Variants in RBFOX1 observed in about 807,000 individuals in gnomAD.
RBFOX1 encodes RNA binding fox-1 homolog 1.
Under a neutral mutation model 57.7 loss-of-function variants are expected in RBFOX1, and 8 were observed. The ratio of observed to expected loss-of-function variants is 0.14; its 90% confidence interval spans 0.08 to 0.25. The LOEUF (loss-of-function observed/expected upper bound fraction) is 0.25. Ranked by LOEUF, RBFOX1 falls within the 10% of genes least tolerant of loss-of-function variation. The probability of loss-of-function intolerance (pLI) is 1.00; values close to 1 mark genes in which losing one functional copy is unlikely to be tolerated. For missense variants in RBFOX1, 611 were observed against 548.5 expected (o/e 1.11, Z -1.14); for synonymous variants, 326 against 222.4 (o/e 1.47, Z -4.15).
At chr16:7,340,313 A>G (rs1241554308) in intron 4 of RBFOX1, among the ~76,000 whole-genome samples, 1 of 152,210 alleles carries the variant, frequency 6.6e-6, no homozygotes, top group African/African-American at 2.4e-5. Flanking sequence ...CTGGGGAGCA[A>G]GTGGTGGGTT....
chr16:7,015,922 T>C (rs1468049645), intron 3 of RBFOX1, among the ~76,000 whole-genome samples: 1 of 152,170 alleles, frequency 6.6e-6, no homozygotes, highest in African/African-American at 2.4e-5. Flanking sequence ...CTAACTTCTC[T>C]TTGAAGGGTA....
intron 1 of RBFOX1, among the ~76,000 whole-genome samples, chr16:5,442,014 ACT>A (rs1410724588): frequency 1.3e-5 from 2 of 152,070 alleles, no homozygotes. Context: ...AATGTAGGAA[ACT>A]CTTCCTATGA....
At chr16:7,002,605 G>A (rs944641139) in intron 3 of RBFOX1, among the ~76,000 whole-genome samples, 8 of 152,084 alleles carry the variant, frequency 5.3e-5, no homozygotes, top group East Asian at 3.9e-4. Context: ...CCAGCCACTC[G>A]GGAGGCTGAG....
chr16:5,499,183 C>T (rs900813301), intron 2 of RBFOX1, among the ~76,000 whole-genome samples: 1 of 152,182 alleles, frequency 6.6e-6, no homozygotes, highest in African/African-American at 2.4e-5. Flanking sequence ...GGCTATATTT[C>T]ATGTTTGTAA....
chr16:7,045,800 C>T (rs1051449491), intron 3 of RBFOX1, among the ~76,000 whole-genome samples: 8 of 151,900 alleles, frequency 5.3e-5, no homozygotes, highest in Non-Finnish European at 4.4e-5. Flanking sequence ...GGACTACAGG[C>T]GCATTCCACC....
chr16:7,218,924 G>A (rs2092494730), intron 4 of RBFOX1, among the ~76,000 whole-genome samples: 1 of 152,050 alleles, frequency 6.6e-6, no homozygotes, highest in Non-Finnish European at 1.5e-5. Flanking sequence ...TCTCTCTTGG[G>A]TTTGGGCAGG....
chr16:7,533,637 T>C (rs1343046388), intron 5 of RBFOX1, among the ~76,000 whole-genome samples: 1 of 152,236 alleles, frequency 6.6e-6, no homozygotes, highest in East Asian at 1.9e-4. Context: ...TCTTTTATAC[T>C]GAAGTGTCAA....
intron 1 of RBFOX1, among the ~76,000 whole-genome samples, chr16:5,266,240 G>T (rs572747536): frequency 1.3e-5 from 2 of 152,222 alleles, no homozygotes; most frequent in East Asian, 3.9e-4. Context: ...TGTATGTGTG[G>T]GGGTTCCCTG....
intron 2 of RBFOX1, among the ~76,000 whole-genome samples, chr16:6,647,564 A>T (rs2098543999): frequency 6.6e-6 from 1 of 152,148 alleles, no homozygotes; most frequent in Non-Finnish European, 1.5e-5. Flanking sequence ...AGTCATTCTT[A>T]GGACCTCATT....
chr16:5,585,987 A>G (rs2046816846), intron 2 of RBFOX1, among the ~76,000 whole-genome samples: 3 of 152,138 alleles, frequency 2.0e-5, no homozygotes, highest in Non-Finnish European at 2.9e-5. Context: ...CAGGGATGTC[A>G]TGATGAGATT....
At chr16:5,989,863 C>G (rs1222963615) in intron 4 of RBFOX1, among the ~76,000 whole-genome samples, 1 of 113,424 alleles carries the variant, frequency 8.8e-6, no homozygotes, top group East Asian at 6.8e-4. Flanking sequence ...CACACACACA[C>G]ACACACACAC....
intron 2 of RBFOX1, among the ~76,000 whole-genome samples, chr16:6,486,756 C>T (rs1215318728): frequency 2.6e-5 from 4 of 151,150 alleles, no homozygotes; most frequent in Admixed American, 6.6e-5. Flanking sequence ...TATGGGTATG[C>T]GTTTTTGCTC....
chr16:7,594,280 T>G (rs1183544275), intron 7 of RBFOX1, among the ~76,000 whole-genome samples: 1 of 152,194 alleles, frequency 6.6e-6, no homozygotes, highest in Non-Finnish European at 1.5e-5. Flanking sequence ...GTAATTATTG[T>G]GCATTTCTTT....
intron 3 of RBFOX1, among the ~76,000 whole-genome samples, chr16:6,814,092 C>T (rs1409922582): frequency 6.6e-6 from 1 of 152,116 alleles, no homozygotes; most frequent in Non-Finnish European, 1.5e-5. Context: ...TCTCATTTGT[C>T]CCTACTTTAT....
chr16:7,005,166 A>G (rs866443799), intron 3 of RBFOX1, among the ~76,000 whole-genome samples: 68 of 151,458 alleles, frequency 4.5e-4, no homozygotes, highest in African/African-American at 1.6e-3. Context: ...ACGAAAAAAA[A>G]CCCAAAACTA....
chr16:6,235,933 C>G (rs1314885938), intron 1 of RBFOX1, among the ~76,000 whole-genome samples: 2 of 151,950 alleles, frequency 1.3e-5, no homozygotes, highest in Non-Finnish European at 2.9e-5. Flanking sequence ...ATGGGTGCCC[C>G]AAAATCTCAC....
chr16:5,267,458 T>C (rs1331195499), intron 1 of RBFOX1, among the ~76,000 whole-genome samples: 1 of 152,076 alleles, frequency 6.6e-6, no homozygotes, highest in Non-Finnish European at 1.5e-5. Flanking sequence ...CCACCATGCC[T>C]GGCTAATTTT....
At chr16:6,325,839 T>C (rs1204031101) in intron 2 of RBFOX1, among the ~76,000 whole-genome samples, 1 of 152,224 alleles carries the variant, frequency 6.6e-6, no homozygotes. Context: ...AATATATGCC[T>C]AGTTTCTTTT....
intron 3 of RBFOX1, among the ~76,000 whole-genome samples, chr16:6,882,481 C>G (rs992723684): frequency 1.2e-4 from 19 of 152,096 alleles, no homozygotes; most frequent in African/African-American, 4.6e-4. Flanking sequence ...GTAATCCCAG[C>G]TACTCCGGAG....
Sources: gnomAD v4.1 joint callset for allele counts (sites outside exome capture counted in the v4.1 genomes callset) on GRCh38, gnomAD v4.1.1 for gene constraint, MANE v1.5 for transcripts, NCBI Gene and HGNC (gene_info 2026-07-23, HGNC 2026-07-21) for gene names.